ANKRD11: variants seen among roughly 807,000 people sequenced by gnomAD.
The protein encoded by ANKRD11 is ankyrin repeat domain 11.
A neutral mutation model predicts 195.7 loss-of-function variants in ANKRD11; 17 were observed. The observed-to-expected ratio is 0.09, with a 90% confidence interval of 0.06 to 0.13. The LOEUF is 0.13. Among genes scored for constraint, ANKRD11 ranks in the 10% least tolerant of loss-of-function variants. ANKRD11 has a pLI of 1.00. For missense variants in ANKRD11, 3,735 were observed against 3,566.1 expected, an observed-to-expected ratio of 1.05 and a Z score of -1.21; for synonymous variants, 1,953 against 1,528.1, an observed-to-expected ratio of 1.28 and a Z score of -6.49.
At chr16:89,391,011 G>A (rs148927138) in intron 2 of ANKRD11, among the ~76,000 whole-genome samples, 149 of 152,148 alleles carry the variant, frequency 9.8e-4, no homozygotes, top group African/African-American at 3.4e-3. Context: ...GGTGGATCAC[G>A]AGGTCAGGAG....
intron 2 of ANKRD11, among the ~76,000 whole-genome samples, chr16:89,333,433 G>A (rs1391737748): frequency 2.0e-5 from 3 of 152,168 alleles, no homozygotes; most frequent in Non-Finnish European, 2.9e-5. Context: ...ATGGTTGGAC[G>A]AACGTATCCT....
chr16:89,480,848 C>T (rs928985834), intron 1 of ANKRD11, among the ~76,000 whole-genome samples: 3 of 152,290 alleles, frequency 2.0e-5, no homozygotes, highest in South Asian at 4.2e-4. Flanking sequence ...CACAAGGCTC[C>T]GTCCTGGGCT....
chr16:89,268,637 G>A lies in ANKRD11; in HGVS notation c.7833C>T (p.His2611=), dbSNP rs148332563. 8 of 1,575,794 alleles carry A rather than the reference G, an allele frequency of 5.1e-6. No homozygotes were observed. Among genetic ancestry groups the A allele is most frequent in the East Asian group, 4.6e-5 (2 of 43,306 alleles). Reference sequence around the variant, plus strand: ...GCACGGCGTTCAGGGCCGCGGCCTCGTGCTGCTGCCGCATGAGGAGGCAAG... The same window carrying A: ...GCACGGCGTTCAGGGCCGCGGCCTCATGCTGCTGCCGCATGAGGAGGCAAG... ...MKTCLLMRQQ[H]EAAALNAVQR... is the part of the protein sequence containing the mutation. The change falls in exon 13 of 13, where the codon CAC becomes CAT. Residue 2611 remains histidine, a synonymous_variant. Coordinates refer to ENST00000301030, the MANE Select transcript of ANKRD11 (RefSeq NM_013275.6).
Position 89,268,477 on chromosome 16 carries a change from G to A in ANKRD11, c.*1C>T, listed in dbSNP as rs1421058390. ...CTGCGTCCTGCGGCCGTCCCGCGGT[G>A]TCATGCCGGCAACAATACAAAGTCG... On this transcript the variant is annotated 3_prime_UTR_variant, in exon 13 of 13. Transcript: ENST00000301030. 16 of 1,258,230 alleles carry A rather than the reference G, an allele frequency of 1.3e-5. 1 individual carries two copies. The highest frequency in any genetic ancestry group is 9.2e-5 in the South Asian group (7 of 76,442). The allele number at this position is 1,258,230 out of a possible 1,614,324, so 77.9% of individuals were successfully genotyped here. A position where few individuals can be genotyped will look rare whatever the true frequency, so the allele number is the denominator to read the frequency against.
At chr16:89,358,402 G>A (rs981412666) in intron 2 of ANKRD11, among the ~76,000 whole-genome samples, 1 of 152,190 alleles carries the variant, frequency 6.6e-6, no homozygotes, top group African/African-American at 2.4e-5. Flanking sequence ...GTTTCAAAGA[G>A]CCACGTGGAT....
intron 2 of ANKRD11, among the ~76,000 whole-genome samples, chr16:89,415,910 C>T (rs1364213130): frequency 1.3e-5 from 2 of 150,676 alleles, no homozygotes; most frequent in Non-Finnish European, 1.5e-5. Flanking sequence ...ATGTGGGTCA[C>T]GGCGCCTCTG....
At chr16:89,470,066 C>T (rs147981183) in intron 1 of ANKRD11, among the ~76,000 whole-genome samples, 4,807 of 151,250 alleles carry the variant, frequency 0.032, 102 homozygotes, top group Non-Finnish European at 0.048. Context: ...CCACCACGCC[C>T]GGCTAATTTT....
intron 2 of ANKRD11, among the ~76,000 whole-genome samples, chr16:89,327,332 A>G (rs2037790315): frequency 6.6e-6 from 1 of 152,206 alleles, no homozygotes; most frequent in African/African-American, 2.4e-5. Flanking sequence ...ATAAAGGCCA[A>G]CTACCAAGAA....
intron 9 of ANKRD11, chr16:89,278,742 G>A (rs1049175030): frequency 7.5e-6 from 4 of 535,160 alleles, no homozygotes; most frequent in Admixed American, 2.2e-5. Flanking sequence ...CCGTCCTGGT[G>A]GACGGGGAGT....
chr16:89,303,481 C>T (rs975290260), intron 4 of ANKRD11, among the ~76,000 whole-genome samples: 7 of 152,340 alleles, frequency 4.6e-5, no homozygotes, highest in East Asian at 3.9e-4. Context: ...CTCACTTCCC[C>T]GTGTCTCCCA....
intron 7 of ANKRD11, chr16:89,288,086 C>G: frequency 1.8e-6 from 1 of 569,334 alleles, no homozygotes; most frequent in Non-Finnish European, 3.1e-6. Flanking sequence ...GCCACAATGG[C>G]CACTTTCTAA....
chr16:89,405,896 G>C (rs2041886023), intron 2 of ANKRD11, among the ~76,000 whole-genome samples: 1 of 152,086 alleles, frequency 6.6e-6, no homozygotes, highest in Non-Finnish European at 1.5e-5. Context: ...GATCACCTGA[G>C]GACAGGAGTT....
intron 2 of ANKRD11, among the ~76,000 whole-genome samples, chr16:89,386,631 A>G (rs963080067): frequency 1.3e-5 from 2 of 152,228 alleles, no homozygotes; most frequent in Admixed American, 6.5e-5. Flanking sequence ...GTCAAGACAG[A>G]ATCACAAATC....
chr16:89,323,155 G>A (rs959500232), intron 2 of ANKRD11: 8 of 389,320 alleles, frequency 2.1e-5, no homozygotes, highest in Admixed American at 6.9e-5. Context: ...GGTCTCCAGC[G>A]GCTGCGTCAG....
rs776440348 is a variant in ANKRD11 at position 89,284,408 on chromosome 16, A to G, written c.2134T>C (p.Phe712Leu). 6.2e-7 allele frequency: 1 copy of G among 1,613,610 alleles called. No individual in the cohort carries two copies. Among genetic ancestry groups the G allele is most frequent in the Non-Finnish European group, 8.5e-7 (1 of 1,179,988 alleles). Residue 712 changes from phenylalanine to leucine, a missense_variant, in exon 9 of 13, where the codon TTT becomes CTT. Phe to Leu is a conservative substitution (Grantham distance 22). Transcript: ENST00000301030. Reference protein sequence around the residue: ...KMKLEEKEWLFKDEKSLKRIK... With the variant: ...KMKLEEKEWLLKDEKSLKRIK... ...CTCTTCAGTGATTTTTCATCTTTAA[A>G]GAGCCATTCTTTTTCTTCTAATTTC...
intron 2 of ANKRD11, among the ~76,000 whole-genome samples, chr16:89,364,679 C>T (rs1317639614): frequency 2.0e-5 from 3 of 152,210 alleles, no homozygotes; most frequent in Admixed American, 1.3e-4. Flanking sequence ...AATCTCATAA[C>T]GTTTACAAAT....
At chr16:89,342,988 T>G (rs1191770029) in intron 2 of ANKRD11, among the ~76,000 whole-genome samples, 1 of 152,208 alleles carries the variant, frequency 6.6e-6, no homozygotes, top group East Asian at 1.9e-4. Flanking sequence ...CAATAAAGAC[T>G]ATGTACTCAT....
At position 89,279,766 on chromosome 16, in the gene ANKRD11, T is replaced by G; in HGVS notation, c.6776A>C (p.Glu2259Ala). Residue 2259 changes from glutamate to alanine, a missense_variant, in exon 9 of 13, where the codon GAG (glutamate) becomes GCG (alanine). Physicochemically the swap from Glu to Ala is moderately radical, Grantham distance 107. Transcript: ENST00000301030. The surrounding 1 kb of genome is among the most constrained non-coding windows in gnomAD (Gnocchi z 5.6). The stretch of plus-strand genomic sequence containing the variant: ...GGACGCGGCGGGGGGGCCTTCAGCC[T>G]CAGCCCCCTGGTCTCCGCTCCCCAG... ...RPLGSGDQGAEAEGPPAASLC... is the reference protein window; with the variant it reads ...RPLGSGDQGAAAEGPPAASLC... 3 of 1,525,992 alleles carry G rather than the reference T, an allele frequency of 2.0e-6. No homozygotes were observed. The South Asian group carries it at 3.6e-5, about 18-fold the overall frequency. 94.5% of individuals were successfully genotyped at this position (1,525,992 alleles called of 1,614,324 possible).
intron 2 of ANKRD11, among the ~76,000 whole-genome samples, chr16:89,361,828 T>C (rs2039744545): frequency 1.3e-5 from 2 of 151,796 alleles, no homozygotes; most frequent in South Asian, 4.2e-4. Flanking sequence ...CCCTAAACAT[T>C]TAAAAACAAA....
Sources: allele counts gnomAD v4.1 joint callset (sites outside exome capture counted in the v4.1 genomes callset), GRCh38; gene constraint gnomAD v4.1.1; non-coding constraint Gnocchi (gnomAD v3.1); transcripts MANE v1.5; gene names NCBI Gene and HGNC (gene_info 2026-07-23, HGNC 2026-07-21).